The following PLA1A variants were observed in gnomAD, a reference collection of about 807,000 sequenced individuals.
PLA1A encodes the protein phospholipase A1 member A, also known as phosphatidylserine-specific phospholipase A1alpha.
Under a neutral mutation model 49.4 loss-of-function variants are expected in PLA1A, and 47 were observed. The ratio of observed to expected loss-of-function variants is 0.95; its 90% CI spans 0.75 to 1.21. PLA1A has a LOEUF of 1.21. Ranked by LOEUF, PLA1A falls within the 50% of genes most tolerant of loss-of-function variation. The probability of loss-of-function intolerance (pLI) is 0.00; values close to 1 mark genes in which losing one functional copy is unlikely to be tolerated. For synonymous variants in PLA1A, 224 were observed against 207.9 expected (o/e 1.08, Z -0.67); for missense variants, 561 against 563.9 (o/e 0.99, Z 0.05).
Position 119,605,764 on chromosome 3 carries a change from C to T in PLA1A, c.74-1010C>T, listed in dbSNP as rs148279882. 2.0e-5 allele frequency among the ~76,000 whole-genome samples: 3 copies of T among 152,326 alleles called. No individual in the cohort carries two copies. The East Asian group carries it at 5.8e-4, about 29-fold the overall frequency. On this transcript the variant is annotated intron_variant, in intron 1 of 10. Transcript: ENST00000273371. ...TGCTGAAAATGGGCCAGATTTTCAG[C>T]TCCCTGGGAAGCAGGAGTTTCATGT... is the stretch of plus-strand genomic sequence containing the variant.
intron 1 of PLA1A, among the ~76,000 whole-genome samples, chr3:119,602,562 A>G (rs901729974): frequency 6.6e-6 from 1 of 152,160 alleles, no homozygotes; most frequent in Admixed American, 6.5e-5. Context: ...TCAAAAGTAC[A>G]TCTAGCTCAT....
At chr3:119,619,394 G>A (rs914310362) in intron 7 of PLA1A, among the ~76,000 whole-genome samples, 169 bp from the exon 8 acceptor site, 6 of 152,324 alleles carry the variant, frequency 3.9e-5, no homozygotes, top group African/African-American at 7.2e-5. Context: ...CCACTGGACC[G>A]AGTTGCTGGG....
At chr3:119,607,019 C>A in intron 2 of PLA1A, 44 bp downstream of exon 2, 3 of 1,466,772 alleles carry the variant, frequency 2.0e-6, no homozygotes, top group South Asian at 2.3e-5. Flanking sequence ...TAAGAATGAT[C>A]AAGTAACCAT....
intron 6 of PLA1A, among the ~76,000 whole-genome samples, chr3:119,616,967 T>C (rs2082856305): frequency 1.3e-5 from 2 of 152,226 alleles, no homozygotes; most frequent in African/African-American, 2.4e-5. Flanking sequence ...AGCTTGGCCA[T>C]ACAGAGTGTC....
At chr3:119,612,766 G>T (rs1443825989) in intron 4 of PLA1A, among the ~76,000 whole-genome samples, 4 of 152,154 alleles carry the variant, frequency 2.6e-5, no homozygotes, top group Non-Finnish European at 5.9e-5. Flanking sequence ...GGGATTACAG[G>T]CGTGAGTCAC....
At chr3:119,623,193 G>A (rs1382563022) in intron 8 of PLA1A, among the ~76,000 whole-genome samples, 6 of 151,846 alleles carry the variant, frequency 4.0e-5, no homozygotes, top group Non-Finnish European at 7.4e-5. Flanking sequence ...CCAGGCTGGA[G>A]TGTGGTGGCA....
At chr3:119,605,049 A>G (rs969157371) in intron 1 of PLA1A, among the ~76,000 whole-genome samples, 1 of 152,246 alleles carries the variant, frequency 6.6e-6, no homozygotes, top group Non-Finnish European at 1.5e-5. Context: ...TGAACAATAG[A>G]GCAGAGTGAC....
At chr3:119,618,517 C>G (rs1231776823) in intron 7 of PLA1A, among the ~76,000 whole-genome samples, 1 of 152,202 alleles carries the variant, frequency 6.6e-6, no homozygotes, top group Non-Finnish European at 1.5e-5. Context: ...GACCCTAAAT[C>G]TATGACCCTT....
intron 1 of PLA1A, among the ~76,000 whole-genome samples, chr3:119,598,823 C>T (rs1289288136): frequency 6.6e-6 from 1 of 152,148 alleles, no homozygotes; most frequent in Admixed American, 6.5e-5. Context: ...TCCTATCTCC[C>T]TTGTACTCAT....
chr3:119,617,600 A>C (rs900642680), intron 6 of PLA1A, among the ~76,000 whole-genome samples: 2 of 151,924 alleles, frequency 1.3e-5, no homozygotes, highest in African/African-American at 4.8e-5. Flanking sequence ...AAAATTTGTG[A>C]GGCATGGTGG....
chr3:119,617,778 A>T (rs191313810), intron 6 of PLA1A, among the ~76,000 whole-genome samples: 57 of 152,174 alleles, frequency 3.7e-4, no homozygotes, highest in Admixed American at 1.0e-3. Flanking sequence ...GAAAAAAAAG[A>T]ATGCATCTCA....
intron 5 of PLA1A, among the ~76,000 whole-genome samples, chr3:119,614,808 T>C (rs1225201246): frequency 1.3e-5 from 2 of 151,994 alleles, no homozygotes; most frequent in Admixed American, 6.6e-5. Flanking sequence ...ACTGAGAATA[T>C]GGCAGCAATC....
chr3:119,618,819 G>A lies in PLA1A; in HGVS notation c.922+633G>A, dbSNP rs187555214. The stretch of plus-strand genomic sequence containing the variant: ...AGTGGAAATGGTTTCTCTCCCTCCC[G>A]CACTCTCTCACTTCCCGCTACCCCT... On this transcript the variant is annotated intron_variant, in intron 7 of 10. Transcript: ENST00000273371. Among the ~76,000 whole-genome samples, 110 of 152,140 alleles carry A rather than the reference G, an allele frequency of 7.2e-4. 1 individual carries two copies. Among genetic ancestry groups the A allele is most frequent in the Admixed American group, 5.8e-3 (88 of 15,290 alleles).
At chr3:119,620,544 T>C (rs1293025209) in intron 8 of PLA1A, among the ~76,000 whole-genome samples, 10 of 152,274 alleles carry the variant, frequency 6.6e-5, no homozygotes, top group Admixed American at 5.9e-4. Context: ...TTATTTAAAC[T>C]CTCTGAACTC....
chr3:119,605,391 G>T (rs551060882), intron 1 of PLA1A, among the ~76,000 whole-genome samples: 1 of 152,168 alleles, frequency 6.6e-6, no homozygotes, highest in Admixed American at 6.5e-5. Context: ...CACAGGTGGG[G>T]TTCCCACAAT....
rs747128559 is a variant in PLA1A, at chr3:119,609,498, A to G, written c.484A>G (p.Ile162Val). Residue 162 changes from isoleucine (I) to valine (V), a missense_variant, in exon 4 of 11, where the codon ATC becomes GTC. Coordinates refer to ENST00000273371, the MANE Select transcript of PLA1A (RefSeq NM_015900.4). Reference sequence around the variant, plus strand: ...GGGTGTGTCGGAATCCTCAATCCACATCATTGGTGTTAGCCTGGGGGCCCA... The same window carrying G: ...GGGTGTGTCGGAATCCTCAATCCACGTCATTGGTGTTAGCCTGGGGGCCCA... Reference protein sequence around the residue: ...VLGVSESSIHIIGVSLGAHVG... With the variant: ...VLGVSESSIHVIGVSLGAHVG... 2 of 1,612,558 alleles carry G rather than the reference A, an allele frequency of 1.2e-6. No homozygotes were observed. The highest frequency in any genetic ancestry group is 2.2e-5 in the South Asian group (2 of 91,050).
chr3:119,619,732 G>A (rs1350238295), intron 8 of PLA1A, 80 bp downstream of exon 8: 2 of 976,070 alleles, frequency 2.0e-6, no homozygotes, highest in Non-Finnish European at 3.3e-6. Flanking sequence ...AGCCTGGGTG[G>A]GAGTGAATGA....
Position 119,603,351 on chromosome 3 carries a change from T to C in PLA1A, c.74-3423T>C, listed in dbSNP as rs181598739. ...ATTCTGATGGTCAAGCCAACAGAAC[T>C]TACCAATTGTATGTGGGATGTGAGA... On this transcript the variant is annotated intron_variant, in intron 1 of 10. Transcript: ENST00000273371. Among the ~76,000 whole-genome samples, 15 of 152,326 alleles carry C rather than the reference T, an allele frequency of 9.8e-5. No homozygotes were observed. The East Asian group carries it at 2.7e-3, about 27-fold the overall frequency.
intron 4 of PLA1A, 43 bp from the exon 5 acceptor site, chr3:119,612,974 A>G: frequency 7.9e-7 from 1 of 1,271,394 alleles, no homozygotes; most frequent in Non-Finnish European, 1.1e-6. Flanking sequence ...ATGTTCCTGC[A>G]GCTGAGAGGA....
Sources: gnomAD v4.1 joint callset for allele counts (sites outside exome capture counted in the v4.1 genomes callset) on GRCh38, gnomAD v4.1.1 for gene constraint, MANE v1.5 for transcripts, NCBI Gene and HGNC (gene_info 2026-07-23, HGNC 2026-07-21) for gene names.